Variants in STT3B observed in about 807,000 individuals in gnomAD.
The protein encoded by STT3B is STT3 oligosaccharyltransferase complex catalytic subunit B.
STT3B carries 29 observed loss-of-function variants against 96.8 expected under a neutral mutation model. The ratio of observed to expected loss-of-function variants is 0.30; its 90% CI spans 0.22 to 0.41. The LOEUF (loss-of-function observed/expected upper bound fraction) is 0.41, where lower values mean the gene tolerates loss of function less well. Ranked by LOEUF, STT3B falls within the 10% of genes least tolerant of loss-of-function variation. The pLI is 1.00. For synonymous variants in STT3B, 367 were observed against 360.0 expected, an observed-to-expected ratio of 1.02 and a Z score of -0.22; for missense variants, 640 against 1,022.3, an observed-to-expected ratio of 0.63 and a Z score of 5.10.
At chr3:31,630,755 C>T (rs908246758) in intron 14 of STT3B, among the ~76,000 whole-genome samples, 11 of 151,612 alleles carry the variant, frequency 7.3e-5, no homozygotes, top group African/African-American at 2.7e-4. Flanking sequence ...GTGTTTGGAC[C>T]TCAATTTGTG....
At chr3:31,533,339 C>G (rs1437348827) in intron 1 of STT3B, 27 bp downstream of exon 1, 1 of 1,486,266 alleles carries the variant, frequency 6.7e-7, no homozygotes, top group Admixed American at 2.2e-5. Context: ...CCCTCCCCCG[C>G]CCGTGGCCCG....
intron 4 of STT3B, among the ~76,000 whole-genome samples, chr3:31,599,538 A>C (rs966962367): frequency 1.3e-5 from 2 of 152,210 alleles, no homozygotes; most frequent in Non-Finnish European, 2.9e-5. Flanking sequence ...TATTTTACGT[A>C]AGAGAAGCAT....
At chr3:31,616,213 C>G (rs1252181210) in intron 6 of STT3B, among the ~76,000 whole-genome samples, 1 of 151,826 alleles carries the variant, frequency 6.6e-6, no homozygotes, top group Non-Finnish European at 1.5e-5. Context: ...AACTTAAGGC[C>G]TATTTGTTCA....
intron 3 of STT3B, among the ~76,000 whole-genome samples, chr3:31,595,682 A>G (rs774496647): frequency 1.7e-4 from 26 of 152,290 alleles, no homozygotes; most frequent in Non-Finnish European, 3.2e-4. Flanking sequence ...AATATGGTAT[A>G]TTGGTTACTT....
intron 1 of STT3B, among the ~76,000 whole-genome samples, chr3:31,575,807 T>C (rs1014624639): frequency 5.3e-5 from 8 of 152,088 alleles, no homozygotes; most frequent in Non-Finnish European, 8.8e-5. Context: ...TGACAGCTGC[T>C]TTATACTAAA....
In STT3B at chr3:31,574,072, T is replaced by C. The variant is rs139132626; in HGVS notation, c.315-2324T>C. 1.2e-3 allele frequency among the ~76,000 whole-genome samples: 188 copies of C among 152,288 alleles called. 2 individuals carry two copies. Among genetic ancestry groups the C allele is most frequent in the Middle Eastern group, 6.8e-3 (2 of 294 alleles). On this transcript the variant is annotated intron_variant, in intron 1 of 15. Coordinates refer to ENST00000295770, the MANE Select transcript of STT3B (RefSeq NM_178862.3). ...CTCTCATGGTTCCTGGTTTTTAAAA[T>C]GTGTTATTAGCAGTCCCTTGAAGTC...
chr3:31,602,452 A>G (rs1698949934), intron 5 of STT3B, among the ~76,000 whole-genome samples: 1 of 152,104 alleles, frequency 6.6e-6, no homozygotes, highest in Non-Finnish European at 1.5e-5. Context: ...AGATTGAGAA[A>G]TACACTTTAT....
rs889385588 is a variant in STT3B, at chr3:31,628,147, C to T, written c.2074-1151C>T. On this transcript the variant is annotated intron_variant, in intron 13 of 15. Coordinates refer to ENST00000295770, the MANE Select transcript of STT3B (RefSeq NM_178862.3). ...GCATATGTTAATTAGATCGATGTAG[C>T]CATTTCACAGTGCATATTTCAAAAC... 2.2e-5 allele frequency among the ~76,000 whole-genome samples: 3 copies of T among 138,292 alleles called. No homozygotes were observed. In the South Asian group the frequency reaches 6.7e-4, roughly 31 times the overall value. 90.7% of individuals were successfully genotyped at this position (138,292 alleles called of 152,430 possible). A position where few individuals can be genotyped will look rare whatever the true frequency, so the allele number is the denominator to read the frequency against.
At position 31,544,026 on chromosome 3, in the gene STT3B, A is replaced by G. The variant is rs375334016; in HGVS notation, c.314+10714A>G. Among the ~76,000 whole-genome samples the G allele has an allele frequency of 1.2e-3, 187 of 152,354 alleles. 1 individual carries two copies. Among genetic ancestry groups the G allele is most frequent in the African/African-American group, 3.8e-3 (156 of 41,582 alleles). On this transcript the variant is annotated intron_variant, in intron 1 of 15. Coordinates refer to ENST00000295770, the MANE Select transcript of STT3B (RefSeq NM_178862.3). ...ATTCACAAGATGCCATTTTAATTGA[A>G]CTTGAGAAATATATTCTGATACGAA... is the stretch of plus-strand genomic sequence containing the variant.
chr3:31,625,162 GGAA>G (rs1699509058), intron 12 of STT3B, 77 bp downstream of exon 12: 3 of 1,291,128 alleles, frequency 2.3e-6, no homozygotes, highest in Non-Finnish European at 3.2e-6. Flanking sequence ...TGACTAAATA[GGAA>G]AAATGTGGGT....
chr3:31,583,428 C>T (rs1359182896), intron 3 of STT3B, among the ~76,000 whole-genome samples: 24 of 152,112 alleles, frequency 1.6e-4, no homozygotes, highest in Non-Finnish European at 1.5e-5. Flanking sequence ...TCCTCACTTC[C>T]CAAAGTGTTG....
chr3:31,635,553 A>G (rs780489711), intron 15 of STT3B, among the ~76,000 whole-genome samples: 1 of 152,222 alleles, frequency 6.6e-6, no homozygotes, highest in Non-Finnish European at 1.5e-5. Context: ...CTCATTTTAC[A>G]GAAAACAGGG....
chr3:31,606,240 G>T (rs1384989989), intron 5 of STT3B, among the ~76,000 whole-genome samples: 1 of 152,218 alleles, frequency 6.6e-6, no homozygotes, highest in Non-Finnish European at 1.5e-5. Flanking sequence ...ATTCTCTGAG[G>T]AGAAATTGAA....
intron 4 of STT3B, among the ~76,000 whole-genome samples, chr3:31,599,425 A>C (rs1698874410): frequency 6.6e-6 from 1 of 152,206 alleles, no homozygotes; most frequent in African/African-American, 2.4e-5. Context: ...CTGGCGCTCC[A>C]TTAGAATAAC....
intron 3 of STT3B, among the ~76,000 whole-genome samples, chr3:31,588,888 CTGTAGT>C (rs1447854781): frequency 6.6e-6 from 1 of 151,986 alleles, no homozygotes; most frequent in African/African-American, 2.4e-5. Context: ...GTCTTGATTA[CTGTAGT>C]TGTATGATAA....
At chr3:31,629,457 T>G (rs1699606296) in intron 14 of STT3B, 46 bp downstream of exon 14, 4 of 1,077,764 alleles carry the variant, frequency 3.7e-6, no homozygotes, top group Non-Finnish European at 5.6e-6. Flanking sequence ...AAATAATGTT[T>G]AAAACAAGTC....
At chr3:31,620,554 C>G (rs1699404113) in intron 9 of STT3B, among the ~76,000 whole-genome samples, 1 of 152,100 alleles carries the variant, frequency 6.6e-6, no homozygotes, top group Non-Finnish European at 1.5e-5. Context: ...ACATCCTCTT[C>G]ATTGACAGAT....
chr3:31,559,031 A>G (rs1697792739), intron 1 of STT3B, among the ~76,000 whole-genome samples: 1 of 149,600 alleles, frequency 6.7e-6, no homozygotes, highest in Admixed American at 6.6e-5. Flanking sequence ...ATTTCTGATT[A>G]TAGTTGGGTC....
chr3:31,545,452 A>G (rs1697384094), intron 1 of STT3B, among the ~76,000 whole-genome samples: 1 of 152,226 alleles, frequency 6.6e-6, no homozygotes, highest in African/African-American at 2.4e-5. Context: ...TACAGTTATA[A>G]ATAAATTTTA....
Sources: allele counts gnomAD v4.1 joint callset (sites outside exome capture counted in the v4.1 genomes callset), GRCh38; gene constraint gnomAD v4.1.1; transcripts MANE v1.5; gene names NCBI Gene and HGNC (gene_info 2026-07-23, HGNC 2026-07-21).